The following PPP2R2D variants were observed in gnomAD, a reference collection of about 807,000 sequenced individuals.
PPP2R2D encodes protein phosphatase 2 regulatory subunit Bdelta.
A neutral mutation model predicts 31.1 loss-of-function variants in PPP2R2D; 9 were observed. That is an observed-to-expected ratio of 0.29 (90% CI 0.17 to 0.51). PPP2R2D has a LOEUF of 0.51. Ranked by LOEUF, PPP2R2D falls within the 20% of genes least tolerant of loss-of-function variation. PPP2R2D has a pLI of 0.98. For synonymous variants in PPP2R2D, 179 were observed against 172.6 expected (o/e 1.04, Z -0.29); for missense variants, 391 against 465.6 (o/e 0.84, Z 1.48).
the PPP2R2D span, among the ~76,000 whole-genome samples, chr10:131,965,625 T>C: frequency 1.3e-5 from 2 of 152,202 alleles, no homozygotes; most frequent in Non-Finnish European, 1.5e-5. Flanking sequence ...TCTTGTATTT[T>C]AGTAGAGACG....
At chr10:131,965,091 G>A in the PPP2R2D span, among the ~76,000 whole-genome samples, 22,678 of 152,174 alleles carry the variant, frequency 0.15, 1,892 homozygotes, top group African/African-American at 0.21. Flanking sequence ...CCCATTTGCA[G>A]TTTGGACGGG....
rs781939093 is a variant in PPP2R2D, at chr10:131,945,472, G to C, written c.820+13G>C. The stretch of plus-strand genomic sequence containing the variant: ...AGACACTCCAAGTGTAAGTGCGTCT[G>C]TTGTTGAGATGGAGTCTGGCTCTGT... On this transcript the variant is annotated intron_variant, in intron 7 of 8. Coordinates refer to ENST00000455566, the MANE Select transcript of PPP2R2D (RefSeq NM_018461.5). The surrounding 1 kb of genome is among the most constrained non-coding windows in gnomAD (Gnocchi z 4.8). 1.3e-6 allele frequency: 2 copies of C among 1,592,858 alleles called. No homozygotes were observed. The highest frequency in any genetic ancestry group is 1.7e-6 in the Non-Finnish European group (2 of 1,165,666).
chr10:131,961,907 G>A (rs2036925620), downstream of PPP2R2D, among the ~76,000 whole-genome samples: 1 of 151,646 alleles, frequency 6.6e-6, no homozygotes, highest in Admixed American at 6.6e-5. Context: ...AATTTCATGC[G>A]CCTCCGCCTG....
chr10:131,942,005 A>G (rs1393535100), intron 5 of PPP2R2D, among the ~76,000 whole-genome samples: 4 of 152,114 alleles, frequency 2.6e-5, no homozygotes, highest in African/African-American at 9.7e-5. Context: ...AATTAGTGTA[A>G]ATCACTTTTA....
intron 8 of PPP2R2D, among the ~76,000 whole-genome samples, chr10:131,953,171 G>GGGGGTTCACTGTCTTAGTGACTTGCT (rs2036715582): frequency 1.1e-5 from 1 of 93,428 alleles, no homozygotes; most frequent in Non-Finnish European, 2.1e-5. Context: ...AGTGACTTGC[G>GGGGGTTCACTGTCTTAGTGACTTGCT]GGTGTGCGGG....
chr10:131,921,207 G>C lies in PPP2R2D; in HGVS notation c.101-13251G>C, dbSNP rs140478626. 4.2e-3 allele frequency among the ~76,000 whole-genome samples: 646 copies of C among 152,326 alleles called. 3 individuals carry two copies. The highest frequency in any genetic ancestry group is 0.014 in the African/African-American group (587 of 41,570). ...ACTGACTCTGAAATACTTAAAGATAGTTGTATTTGTTGTTGCATGTCTAGA... is the reference window on the plus strand; with the variant it reads ...ACTGACTCTGAAATACTTAAAGATACTTGTATTTGTTGTTGCATGTCTAGA... On this transcript the variant is annotated intron_variant, in intron 2 of 8. Coordinates refer to ENST00000455566, the MANE Select transcript of PPP2R2D (RefSeq NM_018461.5).
intron 5 of PPP2R2D, among the ~76,000 whole-genome samples, chr10:131,943,546 A>G (rs1461716888): frequency 6.6e-6 from 1 of 152,042 alleles, no homozygotes; most frequent in African/African-American, 2.4e-5. Context: ...GCATAGTCCT[A>G]GTGCAGTGAG....
At chr10:131,924,388 T>C (rs896070826) in intron 2 of PPP2R2D, among the ~76,000 whole-genome samples, 5 of 152,154 alleles carry the variant, frequency 3.3e-5, no homozygotes, top group Non-Finnish European at 7.4e-5. Flanking sequence ...CTTTTTTCTT[T>C]TGCATGTGGA....
At chr10:131,953,041 GGT>G in intron 8 of PPP2R2D, among the ~76,000 whole-genome samples, 1 of 142,554 alleles carries the variant, frequency 7.0e-6, no homozygotes, top group Non-Finnish European at 1.5e-5. Flanking sequence ...GTGTGCAGGG[GGT>G]TTCACTGTCT....
chr10:131,907,891 G>A (rs1370648865), intron 2 of PPP2R2D, among the ~76,000 whole-genome samples: 3 of 152,160 alleles, frequency 2.0e-5, no homozygotes, highest in Non-Finnish European at 4.4e-5. Flanking sequence ...GATTTTCCAC[G>A]TTCCCTGATT....
In PPP2R2D at chr10:131,959,527, G is replaced by T. The variant is rs1426287189; in HGVS notation, c.*3564G>T. On this transcript the variant is annotated 3_prime_UTR_variant, in exon 9 of 9. Coordinates refer to ENST00000455566, the MANE Select transcript of PPP2R2D (RefSeq NM_018461.5). ...TCCCCCTGTGGAGGTGAAGGTGTGT[G>T]CTGATTACTAATCCACATGGGCAAG... 2 of 161,668 alleles carry T rather than the reference G, an allele frequency of 1.2e-5. No individual in the cohort carries two copies. Among genetic ancestry groups the T allele is most frequent in the Non-Finnish European group, 1.4e-5 (1 of 74,072 alleles). The allele number at this position is 161,668 out of a possible 1,614,324, so 10.0% of individuals were successfully genotyped here. A position where few individuals can be genotyped will look rare whatever the true frequency, so the allele number is the denominator to read the frequency against.
chr10:131,939,869 T>G (rs1259808639), intron 3 of PPP2R2D, 162 bp from the exon 4 acceptor site: 28 of 74,958 alleles, frequency 3.7e-4, no homozygotes, highest in Non-Finnish European at 5.2e-4. Flanking sequence ...AAGTTCGTTC[T>G]TTTTTTTTTT....
chr10:131,956,313 G>T lies in PPP2R2D; in HGVS notation c.*350G>T. On this transcript the variant is annotated 3_prime_UTR_variant, in exon 9 of 9. Transcript: ENST00000455566. ...AAGAGAAAAGTTATTGTCAGATACCGCTCTTTCTCCAACTTTCCCTCTTTC... is the reference window on the plus strand; with the variant it reads ...AAGAGAAAAGTTATTGTCAGATACCTCTCTTTCTCCAACTTTCCCTCTTTC... 4 of 1,003,600 alleles carry T rather than the reference G, an allele frequency of 4.0e-6. No homozygotes were observed. The highest frequency in any genetic ancestry group is 4.7e-6 in the Non-Finnish European group (4 of 842,410). 62.2% of individuals were successfully genotyped at this position (1,003,600 alleles called of 1,614,324 possible).
chr10:131,910,309 G>A (rs1359659821), intron 2 of PPP2R2D, among the ~76,000 whole-genome samples: 2 of 148,598 alleles, frequency 1.3e-5, no homozygotes, highest in Non-Finnish European at 3.0e-5. Context: ...TTTTCTAAAT[G>A]TTAACACATT....
chr10:131,965,755 C>T, the PPP2R2D span, among the ~76,000 whole-genome samples: 1 of 152,224 alleles, frequency 6.6e-6, no homozygotes, highest in African/African-American at 2.4e-5. Flanking sequence ...CGGGGGCTGT[C>T]TTCAAACTGC....
chr10:131,961,090 G>C (rs1482368597), downstream of PPP2R2D, among the ~76,000 whole-genome samples: 1 of 152,192 alleles, frequency 6.6e-6, no homozygotes, highest in Non-Finnish European at 1.5e-5. Context: ...CAGGTGGGGA[G>C]ACAATGCAGC....
intron 2 of PPP2R2D, among the ~76,000 whole-genome samples, chr10:131,902,020 T>G (rs1266148797): frequency 2.0e-5 from 3 of 152,160 alleles, no homozygotes; most frequent in Admixed American, 6.5e-5. Context: ...ACTCTCAAAT[T>G]GGCCCAGGCA....
chr10:131,908,703 G>A (rs1433788540), intron 2 of PPP2R2D, among the ~76,000 whole-genome samples: 1 of 152,214 alleles, frequency 6.6e-6, no homozygotes, highest in African/African-American at 2.4e-5. Context: ...CAGGGTTGCT[G>A]TGAAGATTCC....
chr10:131,942,969 C>A (rs948724761), intron 5 of PPP2R2D, among the ~76,000 whole-genome samples: 1 of 152,184 alleles, frequency 6.6e-6, no homozygotes, highest in Non-Finnish European at 1.5e-5. Flanking sequence ...CAGAATTCAG[C>A]CAGACAAGAC....
Sources: gnomAD v4.1 joint callset for allele counts (sites outside exome capture counted in the v4.1 genomes callset) on GRCh38, gnomAD v4.1.1 for gene constraint, Gnocchi (gnomAD v3.1) non-coding constraint, MANE v1.5 for transcripts, NCBI Gene and HGNC (gene_info 2026-07-23, HGNC 2026-07-21) for gene names.